FNBP4: variants seen among roughly 807,000 people sequenced by gnomAD.
The protein encoded by FNBP4 is formin-binding protein 4.
Under a neutral mutation model 119.3 loss-of-function variants are expected in FNBP4, and 34 were observed. That is an observed-to-expected ratio of 0.28 (90% CI 0.22 to 0.38). The LOEUF is 0.38. Among genes scored for constraint, FNBP4 ranks in the 10% least tolerant of loss-of-function variants. The pLI is 1.00. For synonymous variants in FNBP4, 462 were observed against 430.6 expected, an observed-to-expected ratio of 1.07 and a Z score of -0.90; for missense variants, 1,112 against 1,228.9, an observed-to-expected ratio of 0.90 and a Z score of 1.42.
chr11:47,730,140 G>A (rs1380671154), intron 12 of FNBP4: 4 of 985,310 alleles, frequency 4.1e-6, no homozygotes, highest in Non-Finnish European at 4.8e-6. Flanking sequence ...GTGGTCAGGA[G>A]TGGAGCCACC....
Position 47,724,511 on chromosome 11 carries a change from G to T in FNBP4, c.2276C>A (p.Thr759Asn), listed in dbSNP as rs187149878. 9 of 1,614,178 alleles carry T rather than the reference G, an allele frequency of 5.6e-6. No homozygotes were observed. The highest frequency in any genetic ancestry group is 6.8e-6 in the Non-Finnish European group (8 of 1,180,016). The change falls in exon 13 of 17, where the codon ACC becomes AAC. Residue 759 changes from threonine (T) to asparagine (N), a missense_variant. This residue lies in a region of FNBP4 where 826 missense variants were observed against 988.8 expected (regional missense o/e 0.84). Transcript: ENST00000263773. ...GGTTTGTGCTGAAGGTTTCAAAGGG[G>T]TATCTTCCTCTGTTCCTGGGGCAGG... ...EPPAPGTEED[T>N]PLKPSAQTTV...
At position 47,732,532 on chromosome 11, in the gene FNBP4, C is replaced by T. The variant is rs769386835; in HGVS notation, c.1820+5G>A. 3 of 1,614,008 alleles carry T rather than the reference C, an allele frequency of 1.9e-6. No individual in the cohort carries two copies. Among genetic ancestry groups the T allele is most frequent in the East Asian group, 2.2e-5 (1 of 44,870 alleles). Reference sequence around the variant, plus strand: ...GAAAGGTGAAAAGGGGAGAAGAGTGCGTACCTGTCCCAGTGGCAGGACCAG... The same window carrying T: ...GAAAGGTGAAAAGGGGAGAAGAGTGTGTACCTGTCCCAGTGGCAGGACCAG... On this transcript the variant is annotated splice_donor_5th_base_variant and intron_variant, in intron 11 of 16. Transcript: ENST00000263773. This position sits in a 1 kb window ranked among gnomAD's most constrained non-coding sequence, Gnocchi z 4.2.
At chr11:47,717,558 CA>C (rs772045422) in intron 16 of FNBP4, 46 bp from the exon 17 acceptor site, 2 of 1,311,384 alleles carry the variant, frequency 1.5e-6, no homozygotes, top group Non-Finnish European at 1.1e-6. Flanking sequence ...GAAAAATTAA[CA>C]AAAGTATTCA....
chr11:47,766,035 G>C (rs1440886532), intron 1 of FNBP4, among the ~76,000 whole-genome samples: 1 of 151,756 alleles, frequency 6.6e-6, no homozygotes, highest in Admixed American at 6.6e-5. Context: ...CTCTTACCAT[G>C]GTAAATAAAA....
At chr11:47,757,665 T>A (rs1222733125) in intron 2 of FNBP4, among the ~76,000 whole-genome samples, 1 of 151,994 alleles carries the variant, frequency 6.6e-6, no homozygotes, top group East Asian at 1.9e-4. Flanking sequence ...GGGTAATGTT[T>A]GCATTTTTAG....
At chr11:47,736,829 GATT>G (rs2097574810) in intron 8 of FNBP4, 89 bp from the exon 9 acceptor site, 14 of 1,155,380 alleles carry the variant, frequency 1.2e-5, no homozygotes, top group South Asian at 5.5e-5. Context: ...ATCTGCAAAA[GATT>G]ATTAGTTCTT....
intron 9 of FNBP4, among the ~76,000 whole-genome samples, chr11:47,736,373 T>G (rs1034035249): frequency 1.8e-4 from 28 of 151,782 alleles, no homozygotes; most frequent in African/African-American, 6.5e-4. Context: ...CTGGCCAACA[T>G]GGTGAAACCC....
intron 2 of FNBP4, among the ~76,000 whole-genome samples, chr11:47,755,676 A>T (rs1210930352): frequency 5.9e-5 from 9 of 151,654 alleles, no homozygotes; most frequent in Admixed American, 5.9e-4. Flanking sequence ...ATAAAAATTT[A>T]GCCGAGCATA....
chr11:47,762,404 C>G (rs1359932140), intron 2 of FNBP4, among the ~76,000 whole-genome samples: 2 of 151,956 alleles, frequency 1.3e-5, no homozygotes, highest in South Asian at 2.1e-4. Flanking sequence ...TGGAATTACA[C>G]GCGTGAACCA....
chr11:47,762,012 A>G (rs955942359), intron 2 of FNBP4, among the ~76,000 whole-genome samples: 2 of 150,936 alleles, frequency 1.3e-5, no homozygotes, highest in Admixed American at 6.6e-5. Context: ...CTAGTTTTGT[A>G]TTTTTAGTAG....
At chr11:47,720,437 G>A (rs886881028) in intron 15 of FNBP4, among the ~76,000 whole-genome samples, 17 of 152,032 alleles carry the variant, frequency 1.1e-4, no homozygotes, top group Middle Eastern at 3.4e-3. Flanking sequence ...ACGTGGTGGC[G>A]GGCGCCTGTA....
At chr11:47,740,370 A>ATC in intron 8 of FNBP4, among the ~76,000 whole-genome samples, 1 of 151,402 alleles carries the variant, frequency 6.6e-6, no homozygotes. Flanking sequence ...CACGATCGTG[A>ATC]CACTGCAGTC....
At chr11:47,726,531 CA>C (rs2097561262) in intron 12 of FNBP4, 1 of 148,080 alleles carries the variant, frequency 6.8e-6, no homozygotes, top group Admixed American at 6.9e-5. Context: ...ACTTTAACAA[CA>C]TCATTCCCAC....
intron 1 of FNBP4, among the ~76,000 whole-genome samples, chr11:47,766,106 C>T (rs1238191395): frequency 1.3e-5 from 2 of 151,890 alleles, no homozygotes; most frequent in African/African-American, 4.8e-5. Context: ...TCGCTTGAGC[C>T]CTGGAGTTCG....
chr11:47,750,381 CAAAAAA>C (rs59583797), intron 6 of FNBP4, among the ~76,000 whole-genome samples: 6 of 24,752 alleles, frequency 2.4e-4, no homozygotes, highest in Non-Finnish European at 3.1e-4. Flanking sequence ...GACTCCATAT[CAAAAAA>C]AAAAAAAAAA....
At chr11:47,756,558 G>A (rs2097618779) in intron 2 of FNBP4, among the ~76,000 whole-genome samples, 1 of 151,548 alleles carries the variant, frequency 6.6e-6, no homozygotes, top group Non-Finnish European at 1.5e-5. Flanking sequence ...TGTTGTTGTT[G>A]TTATACTTTA....
chr11:47,740,287 C>T (rs747597709), intron 8 of FNBP4, among the ~76,000 whole-genome samples: 28 of 151,706 alleles, frequency 1.8e-4, no homozygotes, highest in Non-Finnish European at 3.4e-4. Flanking sequence ...AGGTGGCGTG[C>T]GCCTGTAATC....
At chr11:47,720,466 G>A (rs1042995206) in intron 15 of FNBP4, among the ~76,000 whole-genome samples, 1 of 152,030 alleles carries the variant, frequency 6.6e-6, no homozygotes, top group African/African-American at 2.4e-5. Flanking sequence ...TACTCGGAAG[G>A]TTGAGATAGG....
intron 8 of FNBP4, among the ~76,000 whole-genome samples, chr11:47,740,609 T>TC (rs1208225376): frequency 3.6e-5 from 5 of 139,588 alleles, no homozygotes; most frequent in African/African-American, 1.0e-4. Flanking sequence ...GTTTTTTTTT[T>TC]CCCCGAGACA....
Sources: gnomAD v4.1 joint callset for allele counts (sites outside exome capture counted in the v4.1 genomes callset) on GRCh38, gnomAD v4.1.1 for gene constraint, gnomAD v4.1.1 regional missense constraint, Gnocchi (gnomAD v3.1) non-coding constraint, MANE v1.5 for transcripts, NCBI Gene and HGNC (gene_info 2026-07-23, HGNC 2026-07-21) for gene names.